The following MBD5 variants were observed in gnomAD, a reference collection of about 807,000 sequenced individuals.
The protein encoded by MBD5 is methyl-CpG binding domain protein 5.
MBD5 carries 13 observed loss-of-function variants against 117.3 expected under a neutral mutation model. The ratio of observed to expected loss-of-function variants is 0.11; its 90% CI spans 0.07 to 0.18. The LOEUF is 0.18. Ranked by LOEUF, MBD5 falls within the 10% of genes least tolerant of loss-of-function variation. The pLI, the probability that MBD5 is intolerant of heterozygous loss-of-function variation, is 1.00. For synonymous variants in MBD5, 727 were observed against 766.4 expected, an observed-to-expected ratio of 0.95 and a Z score of 0.85; for missense variants, 1,879 against 2,093.8, an observed-to-expected ratio of 0.90 and a Z score of 2.00.
chr2:148,225,346 C>T (rs1312001999), intron 2 of MBD5, among the ~76,000 whole-genome samples: 1 of 152,128 alleles, frequency 6.6e-6, no homozygotes, highest in African/African-American at 2.4e-5. Context: ...TATGCCTTAA[C>T]TTCATCCCCC....
chr2:148,125,805 C>T (rs1696875233), intron 1 of MBD5, among the ~76,000 whole-genome samples: 1 of 152,106 alleles, frequency 6.6e-6, no homozygotes. Context: ...ATGGCTGCCA[C>T]TTAATAGGTC....
At chr2:148,455,552 A>G (rs974546292) in intron 4 of MBD5, among the ~76,000 whole-genome samples, 9 of 152,128 alleles carry the variant, frequency 5.9e-5, no homozygotes, top group African/African-American at 2.2e-4. Flanking sequence ...TACTGGTAAT[A>G]GTGATGTTTG....
intron 4 of MBD5, among the ~76,000 whole-genome samples, chr2:148,374,460 A>G (rs1233116729): frequency 6.6e-6 from 1 of 152,198 alleles, no homozygotes; most frequent in African/African-American, 2.4e-5. Context: ...TCTTACTGAG[A>G]TATCCAGTTG....
chr2:148,433,925 T>C (rs6759300), intron 4 of MBD5, among the ~76,000 whole-genome samples: 35,892 of 151,196 alleles, frequency 0.24, 4,784 homozygotes, highest in African/African-American at 0.36. Flanking sequence ...TTGTTTGTTT[T>C]CATTTTTCTT....
At chr2:148,154,254 G>A (rs1386768947) in intron 1 of MBD5, among the ~76,000 whole-genome samples, 2 of 152,108 alleles carry the variant, frequency 1.3e-5, no homozygotes, top group Admixed American at 6.5e-5. Flanking sequence ...GCTGCTCGGG[G>A]GTCAGTGACC....
intron 4 of MBD5, among the ~76,000 whole-genome samples, chr2:148,435,722 G>A (rs1297437479): frequency 6.6e-6 from 1 of 152,056 alleles, no homozygotes; most frequent in African/African-American, 2.4e-5. Context: ...TATGTCTTAG[G>A]AATGGTCTTC....
intron 8 of MBD5, 167 bp downstream of exon 8, chr2:148,470,628 G>A: frequency 1.6e-6 from 1 of 607,228 alleles, no homozygotes; most frequent in Non-Finnish European, 2.8e-6. Flanking sequence ...CTAGGGATTT[G>A]TCTATTGGGA....
At chr2:148,296,586 A>C in intron 3 of MBD5, 1 of 175,608 alleles carries the variant, frequency 5.7e-6, no homozygotes, top group Non-Finnish European at 1.2e-5. Context: ...AACCCAAAAT[A>C]GTGTTCATTG....
chr2:148,339,130 A>T (rs546306805), intron 3 of MBD5, among the ~76,000 whole-genome samples: 1 of 152,252 alleles, frequency 6.6e-6, no homozygotes, highest in South Asian at 2.1e-4. Flanking sequence ...ACTGTGTTAA[A>T]ATCTCAAGCT....
rs1299136849 is a variant in MBD5, at chr2:148,043,275, A to AT, written c.-925+21591_-925+21592insT. On this transcript the variant is annotated intron_variant, in intron 1 of 13. Transcript: ENST00000642680. ...CCTCTCTCTACTAAAAATACAAAAAAAAAATAAAAAAATAAATAAATAAAT... is the reference window on the plus strand; with the variant it reads ...CCTCTCTCTACTAAAAATACAAAAAATAAAATAAAAAAATAAATAAATAAAT... 5.9e-4 allele frequency among the ~76,000 whole-genome samples: 89 copies of AT among 151,172 alleles called. 1 individual carries two copies. The South Asian group carries it at 0.015, about 25-fold the overall frequency.
intron 4 of MBD5, among the ~76,000 whole-genome samples, chr2:148,426,334 G>T (rs186043004): frequency 7.9e-5 from 12 of 151,398 alleles, no homozygotes; most frequent in Non-Finnish European, 1.3e-4. Flanking sequence ...AAAAGAGCCC[G>T]CATCGCAAAG....
intron 12 of MBD5, among the ~76,000 whole-genome samples, chr2:148,508,212 T>G (rs1466376836): frequency 6.6e-6 from 1 of 152,120 alleles, no homozygotes; most frequent in East Asian, 1.9e-4. Context: ...CAACTGAGAC[T>G]GACTCCATGA....
chr2:148,116,667 A>T (rs1696649446), intron 1 of MBD5, among the ~76,000 whole-genome samples: 1 of 152,116 alleles, frequency 6.6e-6, no homozygotes, highest in African/African-American at 2.4e-5. Flanking sequence ...TCTCCATATA[A>T]CTGAAAACAA....
At chr2:148,096,499 A>C (rs1321912185) in intron 1 of MBD5, among the ~76,000 whole-genome samples, 2 of 152,182 alleles carry the variant, frequency 1.3e-5, no homozygotes, top group Non-Finnish European at 2.9e-5. Flanking sequence ...AGAAATACAG[A>C]GATATGCTTG....
rs56740583 is a variant in MBD5 at position 148,424,177 on chromosome 2, CAAAAAAAAAAAAAAAAAAAA to C, written c.-556-34006_-556-33987del. Among the ~76,000 whole-genome samples, 125 of 53,456 alleles carry C rather than the reference CAAAAAAAAAAAAAAAAAAAA, an allele frequency of 2.3e-3. 1 individual carries two copies. The highest frequency in any genetic ancestry group is 0.011 in the South Asian group (12 of 1,090). 35.1% of individuals were successfully genotyped at this position (53,456 alleles called of 152,430 possible). The stretch of plus-strand genomic sequence containing the variant: ...TGGGCAACAGAGCAAGACTCTGTCT[CAAAAAAAAAAAAAAAAAAAA>C]AAAAAAAAAAAAAAAAAAACAGCAG... On this transcript the variant is annotated intron_variant, in intron 4 of 13. Transcript: ENST00000642680.
At chr2:148,100,256 A>G (rs931081479) in intron 1 of MBD5, among the ~76,000 whole-genome samples, 3 of 152,184 alleles carry the variant, frequency 2.0e-5, no homozygotes, top group Non-Finnish European at 4.4e-5. Flanking sequence ...GAAAGCAAAG[A>G]GCCATGCATT....
chr2:148,065,897 C>T (rs1558910877), intron 1 of MBD5, among the ~76,000 whole-genome samples: 1 of 152,158 alleles, frequency 6.6e-6, no homozygotes, highest in African/African-American at 2.4e-5. Flanking sequence ...GTTAATAAGA[C>T]ATATCTGTAA....
At chr2:148,046,574 T>TCCAC (rs1694540785) in intron 1 of MBD5, among the ~76,000 whole-genome samples, 1 of 152,126 alleles carries the variant, frequency 6.6e-6, no homozygotes, top group Non-Finnish European at 1.5e-5. Flanking sequence ...ATAGTCCTCT[T>TCCAC]CCACCCCTTC....
intron 4 of MBD5, among the ~76,000 whole-genome samples, chr2:148,383,524 G>C (rs937810796): frequency 3.3e-5 from 5 of 152,128 alleles, no homozygotes; most frequent in Admixed American, 2.6e-4. Context: ...TTCTACCAGA[G>C]ATACAAGGAG....
Sources: allele counts gnomAD v4.1 joint callset (sites outside exome capture counted in the v4.1 genomes callset), GRCh38; gene constraint gnomAD v4.1.1; transcripts MANE v1.5; gene names NCBI Gene and HGNC (gene_info 2026-07-23, HGNC 2026-07-21).